The following SUN1 variants were observed in gnomAD, a reference collection of about 807,000 sequenced individuals.
SUN1 encodes the protein Sad1 and UNC84 domain containing 1, also known as SUN domain-containing protein 1.
A neutral mutation model predicts 103.2 loss-of-function variants in SUN1; 61 were observed. The ratio of observed to expected loss-of-function variants is 0.59; its 90% CI spans 0.48 to 0.73. SUN1 has a LOEUF of 0.73. Among genes scored for constraint, SUN1 ranks in the 30% least tolerant of loss-of-function variants. SUN1 has a pLI of 0.00. For synonymous variants in SUN1, 490 were observed against 425.7 expected (o/e 1.15, Z -1.86); for missense variants, 1,052 against 1,034.6 (o/e 1.02, Z -0.23).
intron 13 of SUN1, among the ~76,000 whole-genome samples, chr7:858,270 G>C (rs1343977348): frequency 6.6e-6 from 1 of 152,140 alleles, no homozygotes; most frequent in East Asian, 1.9e-4. Context: ...GGTCAGGCTG[G>C]TCTCAAACTC....
upstream of SUN1, among the ~76,000 whole-genome samples, chr7:831,472 G>T (rs536118534): frequency 5.3e-5 from 8 of 152,092 alleles, no homozygotes; most frequent in East Asian, 1.6e-3. Flanking sequence ...GGGTTTCACC[G>T]TGTTAGCGAG....
At chr7:829,511 T>A (rs1195739610), upstream of SUN1, among the ~76,000 whole-genome samples, 1 of 152,004 alleles carries the variant, frequency 6.6e-6, no homozygotes, top group Non-Finnish European at 1.5e-5. Context: ...ACAAATCTTT[T>A]GTCTCAGGAA....
intron 1 of SUN1, chr7:816,751 G>A (rs1047544704): frequency 2.7e-5 from 4 of 147,188 alleles, no homozygotes; most frequent in Admixed American, 1.3e-4. Flanking sequence ...GGGGCCCGGG[G>A]GCCGGGGGGA....
In SUN1 at chr7:843,509, G is replaced by T. The variant is rs780828705; in HGVS notation, c.647G>T (p.Arg216Met). 1 of 1,614,026 alleles carries T rather than the reference G, an allele frequency of 6.2e-7. No individual in the cohort carries two copies. The highest frequency in any genetic ancestry group is 2.2e-5 in the East Asian group (1 of 44,892). Residue 216 changes from arginine (R) to methionine (M), a missense_variant, in exon 5 of 19, where the codon AGG (arginine) becomes ATG (methionine). By Grantham distance (91) the Arg-to-Met change is moderately conservative. Around this residue, in one of 2 missense-constraint regions of SUN1, gnomAD observed 846 missense variants for 774.5 expected, o/e 1.09. Transcript: ENST00000401592. ...GTGTCGAGAGTTTATTCTAGGGACA[G>T]GAATCAAAAATGTAAGTCTCAGTCC... ...GPVSRVYSRD[R>M]NQKCYFLLQI...
intron 3 of SUN1, chr7:842,783 TC>T (rs1271003733): frequency 7.7e-6 from 2 of 260,314 alleles, no homozygotes; most frequent in African/African-American, 4.6e-5. Context: ...GTTCCAGAGA[TC>T]ACATGTGCTA....
At chr7:817,223 G>A (rs1781492238) in intron 1 of SUN1, 2 of 587,666 alleles carry the variant, frequency 3.4e-6, no homozygotes, top group Non-Finnish European at 6.1e-6. Context: ...GCCTCCCGAA[G>A]CGCTCGGATC....
At chr7:821,404 G>A (rs746767151) in intron 1 of SUN1, among the ~76,000 whole-genome samples, 13 of 152,064 alleles carry the variant, frequency 8.5e-5, no homozygotes, top group Non-Finnish European at 1.8e-4. Context: ...TCTTGACCTC[G>A]TGATCCGCCC....
upstream of SUN1, among the ~76,000 whole-genome samples, chr7:828,277 T>TG (rs1369641762): frequency 9.9e-5 from 15 of 151,600 alleles, no homozygotes; most frequent in Non-Finnish European, 1.8e-4. Flanking sequence ...GTTTTTGTTT[T>TG]GTTTTGTTTT....
At chr7:859,572 G>C (rs1830548444) in intron 13 of SUN1, among the ~76,000 whole-genome samples, 1 of 152,246 alleles carries the variant, frequency 6.6e-6, no homozygotes, top group African/African-American at 2.4e-5. Context: ...TCCACACGTG[G>C]AATGTGGGAG....
At chr7:838,143 C>T (rs962454936) in intron 1 of SUN1, among the ~76,000 whole-genome samples, 3 of 152,204 alleles carry the variant, frequency 2.0e-5, no homozygotes, top group African/African-American at 7.2e-5. Context: ...GCCTCAAACT[C>T]CCAGGCTCAC....
intron 15 of SUN1, among the ~76,000 whole-genome samples, chr7:862,757 A>G (rs7785252): frequency 0.62 from 94,358 of 152,114 alleles, 29,643 homozygotes; most frequent in East Asian, 0.8. Flanking sequence ...TGAAGAAAAC[A>G]TTGATTGACA....
chr7:856,813 C>T (rs1562746953), intron 12 of SUN1, among the ~76,000 whole-genome samples: 1 of 152,284 alleles, frequency 6.6e-6, no homozygotes, highest in Non-Finnish European at 1.5e-5. Context: ...GGCGGGGTTA[C>T]AGCTCAGCCT....
upstream of SUN1, chr7:831,116 C>T (rs576198386): frequency 4.0e-5 from 25 of 630,220 alleles, no homozygotes; most frequent in Admixed American, 2.5e-4. Context: ...TTAACTATTA[C>T]GTGGATTAAG....
chr7:846,848 A>G (rs1289450520), intron 5 of SUN1, among the ~76,000 whole-genome samples: 1 of 152,006 alleles, frequency 6.6e-6, no homozygotes, highest in Non-Finnish European at 1.5e-5. Flanking sequence ...CTTCTTCTCA[A>G]CAAAAAATAC....
chr7:820,597 T>C (rs2128133188), intron 1 of SUN1, among the ~76,000 whole-genome samples: 1 of 152,338 alleles, frequency 6.6e-6, no homozygotes. Flanking sequence ...TCCAGTATAG[T>C]GTTGAAGAGC....
Position 860,156 on chromosome 7 carries a change from A to G in SUN1, c.1553A>G (p.Lys518Arg). The change falls in exon 14 of 19, where the codon AAA becomes AGA. Residue 518 changes from lysine to arginine, a missense_variant. Physicochemically the swap from Lys to Arg is conservative, Grantham distance 26. Around this residue, in one of 2 missense-constraint regions of SUN1, gnomAD observed 846 missense variants for 774.5 expected, o/e 1.09. Coordinates refer to ENST00000401592, the MANE Select transcript of SUN1 (RefSeq NM_001130965.3). Reference sequence around the variant, plus strand: ...GACGTGCAAGTCAGAGAAATGGTGAAACTCCTGTTTTCCGAAGATCAGCAA... The same window carrying G: ...GACGTGCAAGTCAGAGAAATGGTGAGACTCCTGTTTTCCGAAGATCAGCAA... ...RVDVQVREMV[K>R]LLFSEDQQGG... is the part of the protein sequence containing the mutation. The G allele has an allele frequency of 6.2e-7, 1 of 1,614,220 alleles. No individual in the cohort carries two copies. Among genetic ancestry groups the G allele is most frequent in the Non-Finnish European group, 8.5e-7 (1 of 1,180,030 alleles).
intron 5 of SUN1, chr7:850,631 A>G: frequency 6.5e-6 from 1 of 153,540 alleles, no homozygotes; most frequent in South Asian, 2.0e-4. Flanking sequence ...GCAGGTGTTA[A>G]GTCACTGTGA....
Position 853,612 on chromosome 7 carries a change from G to A in SUN1, c.1257G>A (p.Pro419=), listed in dbSNP as rs370495368. The stretch of plus-strand genomic sequence containing the variant: ...TCAGAGACGCTGTGGGACAGCCCCC[G>A]AGGGAGGTGGGTGCTGCCGGGCTAC... ...ASVRDAVGQP[P]RETDFMAFHQ... is the part of the protein sequence containing the mutation. The change falls in exon 10 of 19, where the codon CCG becomes CCA. Residue 419 remains proline (P), a synonymous_variant. Transcript: ENST00000401592. 2.1e-5 allele frequency: 34 copies of A among 1,601,420 alleles called. No homozygotes were observed. In the East Asian group the frequency reaches 2.7e-4, roughly 13 times the overall value.
At chr7:849,274 C>A (rs1328556834) in intron 5 of SUN1, among the ~76,000 whole-genome samples, 1 of 152,178 alleles carries the variant, frequency 6.6e-6, no homozygotes. Context: ...TTAAGCAGGC[C>A]AATCTTTGTA....
Sources: allele counts gnomAD v4.1 joint callset (sites outside exome capture counted in the v4.1 genomes callset), GRCh38; gene constraint gnomAD v4.1.1; regional missense constraint gnomAD v4.1.1; transcripts MANE v1.5; gene names NCBI Gene and HGNC (gene_info 2026-07-23, HGNC 2026-07-21).